The following STX6 variants were observed in gnomAD, a reference collection of about 807,000 sequenced individuals.
STX6 encodes syntaxin-6.
Under a neutral mutation model 38.0 loss-of-function variants are expected in STX6, and 23 were observed. The observed-to-expected ratio is 0.60, with a 90% CI of 0.43 to 0.86. The LOEUF (loss-of-function observed/expected upper bound fraction) is 0.86. STX6 is among the 40% of genes least tolerant of loss of function. STX6 has a pLI of 0.00. For missense variants in STX6, 274 were observed against 312.9 expected, an observed-to-expected ratio of 0.88 and a Z score of 0.94; for synonymous variants, 123 against 107.5, an observed-to-expected ratio of 1.14 and a Z score of -0.89.
chr1:181,017,420 A>C (rs990373063), intron 1 of STX6, among the ~76,000 whole-genome samples: 1 of 151,814 alleles, frequency 6.6e-6, no homozygotes, highest in African/African-American at 2.4e-5. Context: ...AACAAACAAA[A>C]AACTATCCTC....
rs182698362 is a variant in STX6 at position 180,979,906 on chromosome 1, C to G, written c.692-3260G>C. Reference sequence around the variant, plus strand: ...ATGGGCAAAAGACCTGAACAGACACCTCATCAAAAAAGAGATGGGGCTGGG... The same window carrying G: ...ATGGGCAAAAGACCTGAACAGACACGTCATCAAAAAAGAGATGGGGCTGGG... On this transcript the variant is annotated intron_variant, in intron 7 of 7. Transcript: ENST00000258301. Among the ~76,000 whole-genome samples the G allele has an allele frequency of 5.1e-3, 779 of 152,190 alleles. 2 individuals carry two copies. Among genetic ancestry groups the G allele is most frequent in the Non-Finnish European group, 8.4e-3 (569 of 68,000 alleles).
intron 3 of STX6, among the ~76,000 whole-genome samples, chr1:180,999,070 T>G (rs1655997687): frequency 6.6e-6 from 1 of 152,256 alleles, no homozygotes; most frequent in African/African-American, 2.4e-5. Context: ...CCCTTTTTGA[T>G]TAACCAAAGC....
chr1:181,010,233 T>A (rs1656352589), intron 1 of STX6, among the ~76,000 whole-genome samples: 1 of 152,100 alleles, frequency 6.6e-6, no homozygotes, highest in African/African-American at 2.4e-5. Context: ...ATTATAACTT[T>A]AAAAAAATGA....
At position 181,022,792 on chromosome 1, in the gene STX6, C is replaced by T; in HGVS notation, c.-119G>A. 3 of 1,042,900 alleles carry T rather than the reference C, an allele frequency of 2.9e-6. No individual in the cohort carries two copies. Among genetic ancestry groups the T allele is most frequent in the South Asian group, 1.4e-5 (1 of 70,622 alleles). The allele number at this position is 1,042,900 out of a possible 1,614,324, so 64.6% of individuals were successfully genotyped here. A position where few individuals can be genotyped will look rare whatever the true frequency, so the allele number is the denominator to read the frequency against. On this transcript the variant is annotated 5_prime_UTR_variant, in exon 1 of 8. Transcript: ENST00000258301. Reference sequence around the variant, plus strand: ...GCCCGCGCCTTAGTCTGGGTGAAGCCGAGCAGCGGGCACGCGCACAGGCCA... The same window carrying T: ...GCCCGCGCCTTAGTCTGGGTGAAGCTGAGCAGCGGGCACGCGCACAGGCCA...
At chr1:180,980,219 A>AAAAC (rs1473081505) in intron 7 of STX6, among the ~76,000 whole-genome samples, 1 of 150,976 alleles carries the variant, frequency 6.6e-6, no homozygotes, top group Non-Finnish European at 1.5e-5. Context: ...AAAAAAAAAA[A>AAAAC]AAAACACCAT....
At chr1:181,017,313 A>G (rs1377999506) in intron 1 of STX6, among the ~76,000 whole-genome samples, 1 of 151,508 alleles carries the variant, frequency 6.6e-6, no homozygotes, top group East Asian at 1.9e-4. Flanking sequence ...GAATGGCGTG[A>G]ACCCGGGAGG....
intron 1 of STX6, among the ~76,000 whole-genome samples, chr1:181,008,372 G>A (rs1019788935): frequency 6.6e-6 from 1 of 152,110 alleles, no homozygotes; most frequent in Non-Finnish European, 1.5e-5. Flanking sequence ...TATTGGCATT[G>A]TACTTACCAG....
intron 7 of STX6, among the ~76,000 whole-genome samples, chr1:180,978,993 T>C (rs1171182102): frequency 1.3e-5 from 2 of 152,146 alleles, no homozygotes; most frequent in South Asian, 2.1e-4. Flanking sequence ...AGCAGGAATG[T>C]TGGAATTATC....
intron 1 of STX6, among the ~76,000 whole-genome samples, chr1:181,016,858 G>C (rs935899308): frequency 6.6e-6 from 1 of 151,978 alleles, no homozygotes; most frequent in Non-Finnish European, 1.5e-5. Context: ...AGGCCGAGGC[G>C]GGCAGATCAC....
intron 3 of STX6, among the ~76,000 whole-genome samples, chr1:180,995,819 T>C (rs1056820148): frequency 3.9e-5 from 6 of 152,198 alleles, no homozygotes; most frequent in African/African-American, 1.4e-4. Context: ...CCTTTGAACA[T>C]TACATGTACA....
rs376904422 is a variant in STX6 at position 181,018,899 on chromosome 1, T to C, written c.35+3740A>G. Reference sequence around the variant, plus strand: ...TAGGCCAACATAACTTGACCCTATTTTACCTGCACTGGGAAGTATTGACAG... The same window carrying C: ...TAGGCCAACATAACTTGACCCTATTCTACCTGCACTGGGAAGTATTGACAG... On this transcript the variant is annotated intron_variant, in intron 1 of 7. Coordinates refer to ENST00000258301, the MANE Select transcript of STX6 (RefSeq NM_005819.6). Among the ~76,000 whole-genome samples, 106 of 152,342 alleles carry C rather than the reference T, an allele frequency of 7.0e-4. No individual in the cohort carries two copies. The East Asian group carries it at 0.011, about 16-fold the overall frequency.
intron 1 of STX6, among the ~76,000 whole-genome samples, chr1:181,021,964 T>G (rs1656740486): frequency 6.6e-6 from 1 of 152,240 alleles, no homozygotes; most frequent in Admixed American, 6.5e-5. Flanking sequence ...TTGGTTTGGC[T>G]TGTTTCATTT....
At chr1:180,994,448 G>C (rs1389514996) in intron 3 of STX6, among the ~76,000 whole-genome samples, 1 of 152,206 alleles carries the variant, frequency 6.6e-6, no homozygotes, top group Non-Finnish European at 1.5e-5. Context: ...AATGATACTA[G>C]CTAGGCCCCT....
At chr1:180,997,792 GAAA>G (rs1218129199) in intron 3 of STX6, among the ~76,000 whole-genome samples, 1 of 151,958 alleles carries the variant, frequency 6.6e-6, no homozygotes, top group Non-Finnish European at 1.5e-5. Flanking sequence ...ATTTTTCATA[GAAA>G]AAAAGTTACA....
rs143208338 is a variant in STX6, at chr1:180,992,702, G to A, written c.363+661C>T. Among the ~76,000 whole-genome samples the A allele has an allele frequency of 3.3e-3, 500 of 152,312 alleles. 3 individuals are homozygous for A. Among genetic ancestry groups the A allele is most frequent in the African/African-American group, 0.011 (478 of 41,582 alleles). ...CTAAATGAAAGTCCAAATTCTAGAT[G>A]ATCATTCTACATTTTTTAAAAGGAC... On this transcript the variant is annotated intron_variant, in intron 4 of 7. Transcript: ENST00000258301.
intron 5 of STX6, chr1:180,988,652 G>T (rs371641060): frequency 3.8e-6 from 1 of 266,204 alleles, no homozygotes; most frequent in South Asian, 3.8e-5. Flanking sequence ...GAAAGCACAC[G>T]TGCAGATGAC....
rs528911661 is a variant in STX6, at chr1:180,990,400, T to C, written c.364-291A>G. 1.7e-4 allele frequency among the ~76,000 whole-genome samples: 26 copies of C among 152,282 alleles called. No individual in the cohort carries two copies. The South Asian group carries it at 1.9e-3, about 11-fold the overall frequency. On this transcript the variant is annotated intron_variant, in intron 4 of 7. Transcript: ENST00000258301. Reference sequence around the variant, plus strand: ...AACAAACACCCATCTATATACTGTGTTATAATTGAAAAGCATTCAATCTCT... The same window carrying C: ...AACAAACACCCATCTATATACTGTGCTATAATTGAAAAGCATTCAATCTCT...
rs574475196 is a variant in STX6, at chr1:180,976,342, T to C, written c.*228A>G. 13 of 514,910 alleles carry C rather than the reference T, an allele frequency of 2.5e-5. No individual in the cohort carries two copies. Among genetic ancestry groups the C allele is most frequent in the African/African-American group, 1.5e-4 (8 of 52,324 alleles). The allele number at this position is 514,910 out of a possible 1,614,324, so 31.9% of individuals were successfully genotyped here. ...CTGGACAGGCGGCATGGGGCTTCTG[T>C]TGTCCAGCTGCAGCCAGGAGTGCAG... On this transcript the variant is annotated 3_prime_UTR_variant, in exon 8 of 8. Transcript: ENST00000258301.
chr1:181,004,936 GTAGAGACT>G (rs564748285), intron 2 of STX6, among the ~76,000 whole-genome samples: 1 of 150,074 alleles, frequency 6.7e-6, no homozygotes, highest in East Asian at 1.9e-4. Context: ...GAGTGTGAGG[GTAGAGACT>G]TAAAAAAAAA....
Sources: allele counts gnomAD v4.1 joint callset (sites outside exome capture counted in the v4.1 genomes callset), GRCh38; gene constraint gnomAD v4.1.1; transcripts MANE v1.5; gene names NCBI Gene and HGNC (gene_info 2026-07-23, HGNC 2026-07-21).